The following DOP1B variants were observed in gnomAD, a reference collection of about 807,000 sequenced individuals.
The protein encoded by DOP1B is DOP1 leucine zipper like protein B, also known as protein DOP1B.
DOP1B carries 174 observed loss-of-function variants against 233.5 expected under a neutral mutation model. The ratio of observed to expected loss-of-function variants is 0.75; its 90% CI spans 0.66 to 0.85. DOP1B has a LOEUF of 0.85. Ranked by LOEUF, DOP1B falls within the 40% of genes least tolerant of loss-of-function variation. DOP1B has a pLI of 0.00. For missense variants in DOP1B, 2,652 were observed against 2,846.6 expected (o/e 0.93, Z 1.56); for synonymous variants, 1,190 against 1,185.6 (o/e 1.00, Z -0.08).
intron 24 of DOP1B, chr21:36,261,019 C>G: frequency 8.7e-7 from 1 of 1,144,596 alleles, no homozygotes; most frequent in Non-Finnish European, 1.1e-6. Context: ...TAAATTGATA[C>G]AGAAAAAGAA....
intron 21 of DOP1B, among the ~76,000 whole-genome samples, chr21:36,250,586 T>C (rs952097585): frequency 6.6e-6 from 1 of 152,146 alleles, no homozygotes; most frequent in Non-Finnish European, 1.5e-5. Flanking sequence ...GCGAGAAACG[T>C]GGCGGGAACA....
chr21:36,216,408 C>G (rs1054059016), intron 9 of DOP1B, among the ~76,000 whole-genome samples: 2 of 151,656 alleles, frequency 1.3e-5, no homozygotes, highest in Non-Finnish European at 2.9e-5. Flanking sequence ...GTCAGGAGTT[C>G]AAGACCAGCC....
chr21:36,182,605 G>T (rs1164264030), intron 2 of DOP1B, among the ~76,000 whole-genome samples: 1 of 152,146 alleles, frequency 6.6e-6, no homozygotes, highest in Admixed American at 6.5e-5. Flanking sequence ...GAGGCGGGAG[G>T]ACAGCTTGAG....
chr21:36,212,711 C>T (rs796191065), intron 7 of DOP1B, among the ~76,000 whole-genome samples: 23 of 152,306 alleles, frequency 1.5e-4, no homozygotes, highest in African/African-American at 5.5e-4. Context: ...CCCATATTCA[C>T]GTACCTAAGA....
chr21:36,219,518 G>A (rs772970719), intron 10 of DOP1B, 26 bp downstream of exon 10: 18 of 1,610,306 alleles, frequency 1.1e-5, no homozygotes, highest in African/African-American at 5.4e-5. Context: ...TGAACCTCAC[G>A]CATCTCTCTC....
intron 26 of DOP1B, among the ~76,000 whole-genome samples, chr21:36,264,528 C>T (rs547376727): frequency 4.0e-5 from 6 of 151,194 alleles, no homozygotes; most frequent in Admixed American, 1.3e-4. Context: ...GGCTAGAGTG[C>T]AGTGGCACGG....
intron 5 of DOP1B, among the ~76,000 whole-genome samples, chr21:36,209,156 C>T (rs2066463754): frequency 6.6e-6 from 1 of 152,218 alleles, no homozygotes; most frequent in Non-Finnish European, 1.5e-5. Context: ...GAGTCTCGCT[C>T]TGTCGCCGAG....
intron 2 of DOP1B, among the ~76,000 whole-genome samples, chr21:36,166,894 G>T (rs1050926071): frequency 1.3e-5 from 2 of 152,174 alleles, no homozygotes; most frequent in South Asian, 2.1e-4. Flanking sequence ...GTATATTTAC[G>T]ACCTGTAAAT....
chr21:36,203,721 C>T (rs1167115264), intron 4 of DOP1B, among the ~76,000 whole-genome samples: 1 of 152,026 alleles, frequency 6.6e-6, no homozygotes, highest in Non-Finnish European at 1.5e-5. Flanking sequence ...GCTGGGATGA[C>T]TCACAGGTTT....
At chr21:36,257,825 G>T (rs1784464773) in intron 23 of DOP1B, among the ~76,000 whole-genome samples, 1 of 144,452 alleles carries the variant, frequency 6.9e-6, no homozygotes, top group Non-Finnish European at 1.5e-5. Flanking sequence ...ATAGATGTAG[G>T]TAGGTAGGTA....
intron 6 of DOP1B, 121 bp from the exon 7 acceptor site, chr21:36,211,853 G>A (rs1240043579): frequency 1.4e-6 from 2 of 1,475,914 alleles, no homozygotes; most frequent in Admixed American, 1.8e-5. Flanking sequence ...TGGGTAATGT[G>A]TAAGGAACCA....
intron 4 of DOP1B, among the ~76,000 whole-genome samples, chr21:36,207,527 C>G (rs2066443750): frequency 1.5e-5 from 2 of 129,942 alleles, no homozygotes; most frequent in Admixed American, 8.6e-5. Flanking sequence ...TTTGAGGGGA[C>G]TCTCACTTCA....
intron 1 of DOP1B, among the ~76,000 whole-genome samples, chr21:36,157,993 C>G (rs555995146): frequency 8.8e-4 from 134 of 151,906 alleles, no homozygotes; most frequent in African/African-American, 2.8e-3. Flanking sequence ...AGACGAAGGT[C>G]TCATTATGTT....
intron 26 of DOP1B, 64 bp downstream of exon 26, chr21:36,263,878 GA>G: frequency 6.9e-7 from 1 of 1,454,262 alleles, no homozygotes; most frequent in Admixed American, 1.7e-5. Flanking sequence ...TCCTTTGGGG[GA>G]TATCAGATAG....
intron 2 of DOP1B, among the ~76,000 whole-genome samples, chr21:36,185,012 G>C (rs1417439582): frequency 6.6e-6 from 1 of 152,196 alleles, no homozygotes; most frequent in Non-Finnish European, 1.5e-5. Context: ...GAAACCTGTT[G>C]AGGATTTGTA....
In DOP1B at chr21:36,227,815, G is replaced by A. The variant is rs766558644; in HGVS notation, c.1603G>A (p.Val535Met). 8.1e-6 allele frequency: 13 copies of A among 1,613,400 alleles called. No homozygotes were observed. Among genetic ancestry groups the A allele is most frequent in the Non-Finnish European group, 1.1e-5 (13 of 1,179,588 alleles). Reference protein sequence around the residue: ...LTHALKTCFKVLSKVQMPPSY... With the variant: ...LTHALKTCFKMLSKVQMPPSY... Reference sequence around the variant, plus strand: ...GCATGCCTTGAAGACGTGTTTCAAGGTGCTCAGCAAAGTCCAGATGCCTCC... The same window carrying A: ...GCATGCCTTGAAGACGTGTTTCAAGATGCTCAGCAAAGTCCAGATGCCTCC... Residue 535 changes from valine (V) to methionine (M), a missense_variant, in exon 13 of 37, where the codon GTG becomes ATG. Val to Met is a conservative substitution (Grantham distance 21). Coordinates refer to ENST00000691173, the MANE Select transcript of DOP1B (RefSeq NM_001320714.2).
At chr21:36,186,585 G>A (rs1359281195) in intron 2 of DOP1B, among the ~76,000 whole-genome samples, 2 of 152,214 alleles carry the variant, frequency 1.3e-5, no homozygotes, top group African/African-American at 2.4e-5. Context: ...TGCACGACCA[G>A]CTTATGAGTA....
intron 18 of DOP1B, among the ~76,000 whole-genome samples, chr21:36,243,758 G>C (rs185173831): frequency 6.6e-6 from 1 of 151,206 alleles, no homozygotes; most frequent in Non-Finnish European, 1.5e-5. Context: ...CTGCAGTCTC[G>C]AACTCCTGGG....
At chr21:36,203,841 G>A (rs539103813) in intron 4 of DOP1B, among the ~76,000 whole-genome samples, 14 of 151,732 alleles carry the variant, frequency 9.2e-5, no homozygotes, top group Admixed American at 3.9e-4. Context: ...AACCCTTTGG[G>A]GTCTGCAGAT....
Sources: allele counts gnomAD v4.1 joint callset (sites outside exome capture counted in the v4.1 genomes callset), GRCh38; gene constraint gnomAD v4.1.1; transcripts MANE v1.5; gene names NCBI Gene and HGNC (gene_info 2026-07-23, HGNC 2026-07-21).